Variants in MSRA observed in about 807,000 individuals in gnomAD.
MSRA encodes the protein methionine sulfoxide reductase A.
In MSRA, 54 loss-of-function variants were observed where a neutral mutation model predicts 31.3. The observed-to-expected ratio is 1.73, with a 90% CI of 1.39 to 2.17. The LOEUF (loss-of-function observed/expected upper bound fraction) is 2.17. Among genes scored for constraint, MSRA ranks in the 30% most tolerant of loss-of-function variants. The pLI, the probability that MSRA is intolerant of heterozygous loss-of-function variation, is 0.00. For synonymous variants in MSRA, 169 were observed against 116.5 expected (o/e 1.45, Z -2.90); for missense variants, 507 against 300.9 (o/e 1.69, Z -5.07).
chr8:10,337,523 A>T, intron 5 of MSRA: 1 of 585,696 alleles, frequency 1.7e-6, no homozygotes, highest in Non-Finnish European at 3.0e-6. Context: ...ACTGTGTGCT[A>T]CTAGGCTACA....
chr8:10,186,265 C>A (rs147642584), intron 1 of MSRA, among the ~76,000 whole-genome samples: 132 of 152,260 alleles, frequency 8.7e-4, no homozygotes, highest in African/African-American at 3.0e-3. Flanking sequence ...CAAACATTTT[C>A]TATAAAGGGC....
chr8:10,149,306 A>G (rs1417109808), intron 1 of MSRA, among the ~76,000 whole-genome samples: 2 of 152,050 alleles, frequency 1.3e-5, no homozygotes, highest in African/African-American at 2.4e-5. Context: ...TATTTTTAGT[A>G]GAGATGGGGT....
chr8:10,164,927 C>CTGAG (rs1804985924), intron 1 of MSRA, among the ~76,000 whole-genome samples: 1 of 152,158 alleles, frequency 6.6e-6, no homozygotes, highest in Non-Finnish European at 1.5e-5. Flanking sequence ...ACTCAGGAGG[C>CTGAG]TGAGGCAGGA....
Position 10,147,817 on chromosome 8 carries a change from G to A in MSRA, c.143-60016G>A, listed in dbSNP as rs760241079. On this transcript the variant is annotated intron_variant, in intron 1 of 5. Coordinates refer to ENST00000317173, the MANE Select transcript of MSRA (RefSeq NM_012331.5). ...CCCAGGGGCTCGGAGACAGGTCACCGTTTCTCTGGACTGTCACTCCAGCGA... is the reference window on the plus strand; with the variant it reads ...CCCAGGGGCTCGGAGACAGGTCACCATTTCTCTGGACTGTCACTCCAGCGA... 1.2e-4 allele frequency among the ~76,000 whole-genome samples: 18 copies of A among 152,318 alleles called. No homozygotes were observed. In the East Asian group the frequency reaches 2.3e-3, roughly 20 times the overall value.
At chr8:10,395,491 G>A (rs952743027) in intron 5 of MSRA, among the ~76,000 whole-genome samples, 1 of 152,136 alleles carries the variant, frequency 6.6e-6, no homozygotes, top group Non-Finnish European at 1.5e-5. Flanking sequence ...GAATGACATG[G>A]CCACAGATGT....
At chr8:10,187,217 C>G (rs1807133132) in intron 1 of MSRA, among the ~76,000 whole-genome samples, 1 of 152,200 alleles carries the variant, frequency 6.6e-6, no homozygotes, top group Non-Finnish European at 1.5e-5. Flanking sequence ...TCCACATGAT[C>G]CACAGTGACT....
At chr8:10,399,057 G>C (rs1331502475) in intron 5 of MSRA, among the ~76,000 whole-genome samples, 3 of 152,210 alleles carry the variant, frequency 2.0e-5, no homozygotes, top group Non-Finnish European at 2.9e-5. Context: ...TTTGCACAGA[G>C]GACAGGAGCA....
chr8:10,195,246 T>TTTTG (rs1001751850), intron 1 of MSRA, among the ~76,000 whole-genome samples: 1 of 152,206 alleles, frequency 6.6e-6, no homozygotes, highest in Non-Finnish European at 1.5e-5. Context: ...TTCCTATCTT[T>TTTTG]TTTGTTTGTT....
intron 5 of MSRA, among the ~76,000 whole-genome samples, chr8:10,352,857 G>C (rs570847628): frequency 2.1e-4 from 32 of 152,204 alleles, no homozygotes; most frequent in African/African-American, 5.8e-4. Context: ...AGAGGCCCTG[G>C]CTATATTTTT....
At chr8:10,235,586 G>A (rs1159102448) in intron 2 of MSRA, among the ~76,000 whole-genome samples, 2 of 152,154 alleles carry the variant, frequency 1.3e-5, no homozygotes, top group African/African-American at 4.8e-5. Context: ...AAGAGGATCA[G>A]TGAAACCCAA....
chr8:10,309,937 C>T (rs1297416585), intron 4 of MSRA, among the ~76,000 whole-genome samples: 4 of 152,186 alleles, frequency 2.6e-5, no homozygotes, highest in Non-Finnish European at 4.4e-5. Context: ...AGAAGCAGGT[C>T]CCCTGTGCTG....
chr8:10,152,462 A>G (rs950490591), intron 1 of MSRA, among the ~76,000 whole-genome samples: 3 of 152,168 alleles, frequency 2.0e-5, no homozygotes, highest in Non-Finnish European at 4.4e-5. Context: ...ATGACTCACT[A>G]GATCTGAATC....
At chr8:10,137,150 G>A (rs1302620849) in intron 1 of MSRA, among the ~76,000 whole-genome samples, 1 of 152,196 alleles carries the variant, frequency 6.6e-6, no homozygotes, top group African/African-American at 2.4e-5. Flanking sequence ...TTGCTGGGAC[G>A]ATGGGTGGCT....
chr8:10,078,100 A>T, intron 1 of MSRA, among the ~76,000 whole-genome samples: 1 of 152,256 alleles, frequency 6.6e-6, no homozygotes, highest in East Asian at 1.9e-4. Context: ...CTAAAGCCAA[A>T]TTGGGAAAAT....
At chr8:10,343,331 C>A (rs749274817) in intron 5 of MSRA, among the ~76,000 whole-genome samples, 1 of 152,146 alleles carries the variant, frequency 6.6e-6, no homozygotes, top group Non-Finnish European at 1.5e-5. Context: ...ATGTCAGACC[C>A]AACAATCCAT....
chr8:10,200,731 T>C (rs772114272), intron 1 of MSRA, among the ~76,000 whole-genome samples: 1 of 152,138 alleles, frequency 6.6e-6, no homozygotes, highest in Non-Finnish European at 1.5e-5. Flanking sequence ...CTTGGTTAAC[T>C]TGCACCTTAA....
intron 5 of MSRA, among the ~76,000 whole-genome samples, chr8:10,427,515 C>T (rs1809253943): frequency 6.6e-6 from 1 of 152,096 alleles, no homozygotes; most frequent in Admixed American, 6.5e-5. Context: ...GCCTGGAGTT[C>T]AGAGTACAGA....
At chr8:10,117,932 C>G (rs916497276) in intron 1 of MSRA, among the ~76,000 whole-genome samples, 2 of 152,178 alleles carry the variant, frequency 1.3e-5, no homozygotes, top group African/African-American at 4.8e-5. Context: ...TCATCTTGAT[C>G]AGGAGATGCT....
chr8:10,207,008 G>A (rs771340284), intron 1 of MSRA, among the ~76,000 whole-genome samples: 1 of 152,140 alleles, frequency 6.6e-6, no homozygotes. Context: ...AGTGTGAAGC[G>A]TCTTAGCTAT....
Sources: gnomAD v4.1 joint callset for allele counts (sites outside exome capture counted in the v4.1 genomes callset) on GRCh38, gnomAD v4.1.1 for gene constraint, MANE v1.5 for transcripts, NCBI Gene and HGNC (gene_info 2026-07-23, HGNC 2026-07-21) for gene names.